Variants in DNAH17 observed in about 807,000 individuals in gnomAD.
DNAH17 encodes dynein axonemal heavy chain 17.
Under a neutral mutation model 485.6 loss-of-function variants are expected in DNAH17, and 376 were observed. That is an observed-to-expected ratio of 0.77 (90% confidence interval 0.71 to 0.84). DNAH17 has a LOEUF of 0.84. Ranked by LOEUF, DNAH17 falls within the 40% of genes least tolerant of loss-of-function variation. The pLI is 0.00. For missense variants in DNAH17, 6,370 were observed against 5,839.3 expected (o/e 1.09, Z -2.96); for synonymous variants, 3,031 against 2,405.9 (o/e 1.26, Z -7.60).
At chr17:78,547,299 G>C (rs116159743) in intron 16 of DNAH17, among the ~76,000 whole-genome samples, 252 of 152,280 alleles carry the variant, frequency 1.7e-3, no homozygotes, top group African/African-American at 5.4e-3. Context: ...GCATGTGTGA[G>C]GATGACTTTA....
intron 22 of DNAH17, among the ~76,000 whole-genome samples, chr17:78,528,745 C>T (rs1326509968): frequency 6.6e-6 from 1 of 152,104 alleles, no homozygotes; most frequent in Non-Finnish European, 1.5e-5. Flanking sequence ...AGCCTGCACA[C>T]ACCCCTCCAC....
chr17:78,491,986 A>G (rs1202345503), intron 42 of DNAH17, among the ~76,000 whole-genome samples: 2 of 152,150 alleles, frequency 1.3e-5, no homozygotes, highest in African/African-American at 4.8e-5. Flanking sequence ...GGCTGGGGGT[A>G]CAGAGCTTGA....
chr17:78,529,830 C>G (rs771524382), intron 21 of DNAH17, 136 bp from the exon 22 acceptor site: 1 of 802,938 alleles, frequency 1.2e-6, no homozygotes, highest in Non-Finnish European at 1.9e-6. Context: ...GGGGAGGGAG[C>G]GCCCCTGCCC....
rs571501328 is a variant in DNAH17 at position 78,466,584 on chromosome 17, G to A, written c.8940+71C>T. The A allele has an allele frequency of 2.8e-6, 4 of 1,431,762 alleles. No homozygotes were observed. In the Admixed American group the frequency reaches 9.7e-5, roughly 35 times the overall value. The allele number at this position is 1,431,762 out of a possible 1,614,324, so 88.7% of individuals were successfully genotyped here. A position where few individuals can be genotyped will look rare whatever the true frequency, so the allele number is the denominator to read the frequency against. On this transcript the variant is annotated intron_variant, in intron 56 of 80. Coordinates refer to ENST00000389840, the MANE Select transcript of DNAH17 (RefSeq NM_173628.4). The stretch of plus-strand genomic sequence containing the variant: ...TAATCCCAGCGCCCTTTTCTCCCAG[G>A]GAGCCAGCCCTTGGGCCTGTCCTTG...
intron 54 of DNAH17, among the ~76,000 whole-genome samples, chr17:78,474,758 A>C (rs1250276196): frequency 6.9e-6 from 1 of 145,664 alleles, no homozygotes. Flanking sequence ...CACACCCTTT[A>C]CCTCAGTCAC....
In DNAH17 at chr17:78,459,824, C is replaced by T. The variant is rs765110922; in HGVS notation, c.9613G>A (p.Asp3205Asn). ...DTFLDSLKKF[D>N]KEHIPEACLK... ...CAGGCCTCAGGGATGTGCTCCTTGT[C>T]GAACTTCTTCAGGGAGTCTAGGAAG... The change falls in exon 60 of 81, where the codon GAC becomes AAC. Residue 3205 changes from aspartate to asparagine, a missense_variant. Asp to Asn is a conservative substitution (Grantham distance 23). Transcript: ENST00000389840. The T allele has an allele frequency of 6.8e-6, 11 of 1,614,030 alleles. No homozygotes were observed. The highest frequency in any genetic ancestry group is 5.3e-5 in the African/African-American group (4 of 75,060).
intron 30 of DNAH17, 30 bp downstream of exon 30, chr17:78,506,690 A>C: frequency 1.2e-6 from 2 of 1,613,440 alleles, no homozygotes; most frequent in Non-Finnish European, 1.7e-6. Flanking sequence ...ATGTTGGCTT[A>C]AACACCGGAA....
intron 24 of DNAH17, among the ~76,000 whole-genome samples, chr17:78,526,018 C>A (rs1031290541): frequency 2.0e-5 from 3 of 152,214 alleles, no homozygotes; most frequent in African/African-American, 7.2e-5. Flanking sequence ...GTACTGGGAG[C>A]AAAGAGGAAC....
chr17:78,435,037 A>G (rs1233529618), intron 74 of DNAH17, among the ~76,000 whole-genome samples: 2 of 152,186 alleles, frequency 1.3e-5, no homozygotes, highest in Non-Finnish European at 2.9e-5. Context: ...CCCCTCTGGC[A>G]ACATGGACAA....
intron 65 of DNAH17, among the ~76,000 whole-genome samples, 170 bp downstream of exon 65, chr17:78,453,173 T>C (rs1393176273): frequency 6.6e-6 from 1 of 152,204 alleles, no homozygotes; most frequent in Non-Finnish European, 1.5e-5. Flanking sequence ...CTTTCCAGTC[T>C]TTCCTCAGGA....
At chr17:78,476,521 C>A (rs1242404957) in intron 52 of DNAH17, 51 bp downstream of exon 52, 1 of 1,553,320 alleles carries the variant, frequency 6.4e-7, no homozygotes, top group Non-Finnish European at 8.7e-7. Flanking sequence ...GACACTCCAC[C>A]CTCCTGGAGC....
At position 78,424,059 on chromosome 17, in the gene DNAH17, A is replaced by G; in HGVS notation, c.13236T>C (p.Pro4412=). Residue 4412 remains proline, a synonymous_variant, in exon 81 of 81, where the codon CCT becomes CCC. Coordinates refer to ENST00000389840, the MANE Select transcript of DNAH17 (RefSeq NM_173628.4). The stretch of plus-strand genomic sequence containing the variant: ...TGTTCTTGGTCTCCATGCGGTCCAC[A>G]GGAATGGCCTTGATGAAGATGACAG... The part of the protein sequence containing the change: ...AMPVIFIKAI[P]VDRMETKNIY... 2.5e-6 allele frequency: 4 copies of G among 1,614,048 alleles called. No homozygotes were observed. Among genetic ancestry groups the G allele is most frequent in the African/African-American group, 1.3e-5 (1 of 75,062 alleles).
In DNAH17 at chr17:78,492,891, A is replaced by G. The variant is rs1983306; in HGVS notation, c.6409-126T>C. 707,418 of 854,190 alleles carry G rather than the reference A, an allele frequency of 0.83. 293,444 individuals carry two copies. The highest frequency in any genetic ancestry group is 0.87 in the African/African-American group (44,811 of 51,394). 52.9% of individuals were successfully genotyped at this position (854,190 alleles called of 1,614,324 possible). A position where few individuals can be genotyped will look rare whatever the true frequency, so the allele number is the denominator to read the frequency against. On this transcript the variant is annotated intron_variant, in intron 41 of 80. Transcript: ENST00000389840. ...TTTGAGATGGAGTTTCACTCTTGTC[A>G]CCGAGGCTGGAGTGCAGTGGTGTGA...
At chr17:78,506,604 T>C in intron 30 of DNAH17, 116 bp downstream of exon 30, 1 of 1,468,394 alleles carries the variant, frequency 6.8e-7, no homozygotes. Context: ...CTCCTGGAGA[T>C]GATGGGGCAC....
intron 58 of DNAH17, among the ~76,000 whole-genome samples, chr17:78,460,476 C>T (rs2088063216): frequency 6.6e-6 from 1 of 152,218 alleles, no homozygotes. Context: ...TGAGGGGCGG[C>T]CCAGGCCCCA....
chr17:78,495,913 T>C lies in DNAH17; in HGVS notation c.5865A>G (p.Gly1955=). The C allele has an allele frequency of 6.2e-7, 1 of 1,613,916 alleles. No individual in the cohort carries two copies. Among genetic ancestry groups the C allele is most frequent in the Non-Finnish European group, 8.5e-7 (1 of 1,179,834 alleles). ...IFITMNPGYA[G]RAELPENLKA... ...TTAGGTTCTCAGGCAGCTCCGCGCGTCCGGCGTACCCAGGGTTCATGGTGA... is the reference window on the plus strand; with the variant it reads ...TTAGGTTCTCAGGCAGCTCCGCGCGCCCGGCGTACCCAGGGTTCATGGTGA... Residue 1955 remains glycine (G), a synonymous_variant, in exon 38 of 81, where the codon GGA becomes GGG. Transcript: ENST00000389840.
chr17:78,456,803 T>C (rs981496598), intron 62 of DNAH17, among the ~76,000 whole-genome samples: 5 of 152,098 alleles, frequency 3.3e-5, no homozygotes, highest in African/African-American at 7.3e-5. Flanking sequence ...AAATCCCTCA[T>C]ACCCGGGGCA....
chr17:78,532,763 A>T, intron 19 of DNAH17, 27 bp from the exon 20 acceptor site: 1 of 1,560,960 alleles, frequency 6.4e-7, no homozygotes, highest in African/African-American at 1.4e-5. Context: ...AGAAGCAAAA[A>T]GGGGAGGTAT....
intron 2 of DNAH17, 137 bp downstream of exon 2, chr17:78,574,576 C>T (rs952212523): frequency 4.8e-5 from 35 of 726,324 alleles, no homozygotes; most frequent in Middle Eastern, 4.0e-4. Flanking sequence ...GGGGCCCGAG[C>T]GCCTGCATTT....
Sources: gnomAD v4.1 joint callset for allele counts (sites outside exome capture counted in the v4.1 genomes callset) on GRCh38, gnomAD v4.1.1 for gene constraint, MANE v1.5 for transcripts, NCBI Gene and HGNC (gene_info 2026-07-23, HGNC 2026-07-21) for gene names.